PDE1C: variants seen among roughly 807,000 people sequenced by gnomAD.
The protein encoded by PDE1C is dual specificity calcium/calmodulin-dependent 3',5'-cyclic nucleotide phosphodiesterase 1C.
Under a neutral mutation model 93.1 loss-of-function variants are expected in PDE1C, and 62 were observed. The ratio of observed to expected loss-of-function variants is 0.67; its 90% CI spans 0.54 to 0.82. PDE1C has a LOEUF of 0.82. PDE1C is among the 40% of genes least tolerant of loss of function. The pLI, the probability that PDE1C is intolerant of heterozygous loss-of-function variation, is 0.00. For missense variants in PDE1C, 742 were observed against 884.6 expected, an observed-to-expected ratio of 0.84 and a Z score of 2.04; for synonymous variants, 325 against 310.1, an observed-to-expected ratio of 1.05 and a Z score of -0.50.
intron 7 of PDE1C, among the ~76,000 whole-genome samples, chr7:31,854,806 C>T (rs1583620719): frequency 6.6e-6 from 1 of 152,170 alleles, no homozygotes. Flanking sequence ...GTGCCTCATG[C>T]TTATAATCCC....
At chr7:31,619,045 G>A in the PDE1C span, among the ~76,000 whole-genome samples, 1 of 152,144 alleles carries the variant, frequency 6.6e-6, no homozygotes, top group Non-Finnish European at 1.5e-5. Flanking sequence ...TCTCTTCCCT[G>A]ATTCCATACT....
At chr7:31,715,786 A>C in the PDE1C span, among the ~76,000 whole-genome samples, 1 of 152,198 alleles carries the variant, frequency 6.6e-6, no homozygotes, top group Non-Finnish European at 1.5e-5. Flanking sequence ...CCCCTTGTGC[A>C]CTAAATACCT....
chr7:32,253,161 G>A (rs1014037300), intron 1 of PDE1C, among the ~76,000 whole-genome samples: 2 of 152,152 alleles, frequency 1.3e-5, no homozygotes, highest in African/African-American at 2.4e-5. Context: ...TTTAATACTC[G>A]TGACAACCTA....
At chr7:32,267,594 T>A (rs1425192762) in intron 1 of PDE1C, among the ~76,000 whole-genome samples, 541 of 39,710 alleles carry the variant, frequency 0.014, 9 homozygotes, top group African/African-American at 0.026. Flanking sequence ...ACACTCTCTC[T>A]CTCTCTCTCT....
Position 32,032,443 on chromosome 7 carries a change from G to A in PDE1C, c.128+19111C>T, listed in dbSNP as rs1299979514. On this transcript the variant is annotated intron_variant, in intron 2 of 17. Coordinates refer to ENST00000396191, the MANE Select transcript of PDE1C (RefSeq NM_001191057.4). ...GGCATACCCTGCTCCTCACAACTCC[G>A]AGGCAAGAATCAAGTTCACAGGGCA... Among the ~76,000 whole-genome samples the A allele has an allele frequency of 6.6e-5, 10 of 152,122 alleles. No homozygotes were observed. The South Asian group carries it at 1.2e-3, about 19-fold the overall frequency.
chr7:31,740,501 A>T, the PDE1C span, among the ~76,000 whole-genome samples: 1 of 152,172 alleles, frequency 6.6e-6, no homozygotes, highest in Non-Finnish European at 1.5e-5. Flanking sequence ...AGTAGTTTCC[A>T]ATTCTTCACT....
At chr7:32,091,687 A>T (rs538576895) in intron 3 of PDE1C, among the ~76,000 whole-genome samples, 47 of 152,334 alleles carry the variant, frequency 3.1e-4, no homozygotes, top group African/African-American at 1.1e-3. Flanking sequence ...GCTGGAGAGA[A>T]AATGGAGGCT....
chr7:32,180,006 A>G (rs1803285571), intron 2 of PDE1C, among the ~76,000 whole-genome samples: 1 of 152,198 alleles, frequency 6.6e-6, no homozygotes, highest in South Asian at 2.1e-4. Context: ...AAACTCCTAA[A>G]ATTCTCAGTG....
intron 2 of PDE1C, among the ~76,000 whole-genome samples, chr7:32,179,016 A>C (rs994574683): frequency 6.6e-6 from 1 of 152,134 alleles, no homozygotes; most frequent in Non-Finnish European, 1.5e-5. Flanking sequence ...GGACACTAAG[A>C]CTCCAAGAAA....
chr7:32,344,505 TC>T lies in PDE1C; in HGVS notation c.310+83316del, dbSNP rs145325817. Among the ~76,000 whole-genome samples the T allele has an allele frequency of 1.1e-3, 164 of 152,316 alleles. 1 individual carries two copies. Among genetic ancestry groups the T allele is most frequent in the African/African-American group, 3.6e-3 (149 of 41,562 alleles). On this transcript the variant is annotated intron_variant, in intron 1 of 1. Coordinates refer to the PDE1C transcript ENST00000672256. Reference sequence around the variant, plus strand: ...TCATTCTACCCTGACCTCACATAAATCCTTGAACACATCGGGCACCATCACC... The same window carrying T: ...TCATTCTACCCTGACCTCACATAAATCTTGAACACATCGGGCACCATCACC...
At chr7:32,071,548 C>T (rs142301525), upstream of PDE1C, 450 of 406,972 alleles carry the variant, frequency 1.1e-3, 1 homozygote, top group Non-Finnish European at 1.3e-3. Flanking sequence ...AGAAAATATA[C>T]CAATAGTGAG....
the PDE1C span, among the ~76,000 whole-genome samples, chr7:31,689,604 T>A: frequency 6.6e-6 from 1 of 152,068 alleles, no homozygotes; most frequent in African/African-American, 2.4e-5. Context: ...AGCTCACTCA[T>A]AAAGAGCGCC....
At position 32,014,137 on chromosome 7, in the gene PDE1C, C is replaced by A. The variant is rs567398362; in HGVS notation, c.128+37417G>T. 2.6e-5 allele frequency among the ~76,000 whole-genome samples: 4 copies of A among 152,238 alleles called. No individual in the cohort carries two copies. The South Asian group carries it at 8.3e-4, about 32-fold the overall frequency. On this transcript the variant is annotated intron_variant, in intron 2 of 17. Coordinates refer to ENST00000396191, the MANE Select transcript of PDE1C (RefSeq NM_001191057.4). ...CACAATATGTAGCTGAAAGACCAGACCCAGAAAAAAGTGCAATGCACTGCA... is the reference window on the plus strand; with the variant it reads ...CACAATATGTAGCTGAAAGACCAGAACCAGAAAAAAGTGCAATGCACTGCA...
exon 1 of PDE1C, chr7:32,299,185 A>G: frequency 2.0e-6 from 2 of 995,644 alleles, no homozygotes; most frequent in African/African-American, 3.5e-5. Flanking sequence ...TGGGGACCCA[A>G]GGGAATGGCT....
chr7:32,023,441 G>A (rs868468839), intron 2 of PDE1C, among the ~76,000 whole-genome samples: 3 of 151,982 alleles, frequency 2.0e-5, no homozygotes, highest in East Asian at 1.9e-4. Flanking sequence ...CATACATCAC[G>A]AGAACTTAAT....
intron 2 of PDE1C, among the ~76,000 whole-genome samples, chr7:31,944,455 C>T (rs563925307): frequency 2.9e-4 from 44 of 152,268 alleles, no homozygotes; most frequent in Non-Finnish European, 4.9e-4. Flanking sequence ...GAGGGATGAT[C>T]GGTTAGTAAT....
intron 1 of PDE1C, among the ~76,000 whole-genome samples, chr7:32,334,649 T>C (rs969216660): frequency 5.5e-5 from 7 of 127,894 alleles, no homozygotes; most frequent in African/African-American, 2.1e-4. Flanking sequence ...AATATAACCA[T>C]AAAAGTTGTA....
intron 2 of PDE1C, among the ~76,000 whole-genome samples, chr7:31,968,804 C>T (rs1213143157): frequency 3.3e-5 from 5 of 152,116 alleles, no homozygotes; most frequent in Non-Finnish European, 7.3e-5. Flanking sequence ...TGGAACAGAA[C>T]AGAGCCCTCA....
chr7:31,694,515 C>T, the PDE1C span, among the ~76,000 whole-genome samples: 1 of 151,914 alleles, frequency 6.6e-6, no homozygotes, highest in African/African-American at 2.4e-5. Flanking sequence ...GATAAGAGTC[C>T]ATGTTTGAAC....
Sources: gnomAD v4.1 joint callset for allele counts (sites outside exome capture counted in the v4.1 genomes callset) on GRCh38, gnomAD v4.1.1 for gene constraint, MANE v1.5 for transcripts, NCBI Gene and HGNC (gene_info 2026-07-23, HGNC 2026-07-21) for gene names.